NTM: variants seen among roughly 807,000 people sequenced by gnomAD.
NTM encodes IgLON family member 2.
Under a neutral mutation model 42.1 loss-of-function variants are expected in NTM, and 13 were observed. The ratio of observed to expected loss-of-function variants is 0.31; its 90% CI spans 0.20 to 0.49. The LOEUF is 0.49. Among genes scored for constraint, NTM ranks in the 20% least tolerant of loss-of-function variants. The pLI is 0.99. For missense variants in NTM, 373 were observed against 452.8 expected (o/e 0.82, Z 1.60); for synonymous variants, 187 against 179.2 (o/e 1.04, Z -0.35).
intron 1 of NTM, among the ~76,000 whole-genome samples, chr11:131,540,098 A>G (rs557587640): frequency 2.6e-5 from 4 of 151,816 alleles, no homozygotes; most frequent in East Asian, 3.9e-4. Flanking sequence ...TAGAAAATGC[A>G]TAGCAACTCA....
intron 1 of NTM, among the ~76,000 whole-genome samples, chr11:131,763,383 G>C (rs2084543554): frequency 6.6e-6 from 1 of 152,158 alleles, no homozygotes; most frequent in African/African-American, 2.4e-5. Context: ...CACCCCACGT[G>C]CACCCACTAG....
chr11:131,545,540 A>G (rs1268329409), intron 1 of NTM, among the ~76,000 whole-genome samples: 1 of 152,188 alleles, frequency 6.6e-6, no homozygotes, highest in Non-Finnish European at 1.5e-5. Flanking sequence ...TTCACTGAGC[A>G]TCAGTCTTCT....
At chr11:131,615,816 C>A (rs906167) in intron 1 of NTM, among the ~76,000 whole-genome samples, 116,223 of 152,160 alleles carry the variant, frequency 0.76, 44,474 homozygotes, top group African/African-American at 0.82. Flanking sequence ...TGTGCTGAGC[C>A]TGTGCATCCC....
At position 132,314,557 on chromosome 11, in the gene NTM, T is replaced by C. The variant is rs745714707; in HGVS notation, c.788T>C (p.Ile263Thr). ...TTGTCTTTTGTTTCTCTCAGACTGA[T>C]TGAAGGAAAGAAAGGGGTGAAAGTG... ...FQWYKDDKRL[I>T]EGKKGVKVEN... is the part of the protein sequence containing the mutation. Residue 263 changes from isoleucine to threonine, a missense_variant, in exon 7 of 9, where the codon ATT becomes ACT. By Grantham distance (89) the Ile-to-Thr change is moderately conservative. Around this residue, in one of 3 missense-constraint regions of NTM, gnomAD observed 312 missense variants for 353.5 expected, o/e 0.88. Transcript: ENST00000683400. 3 of 1,611,972 alleles carry C rather than the reference T, an allele frequency of 1.9e-6. No individual in the cohort carries two copies. Among genetic ancestry groups the C allele is most frequent in the Admixed American group, 1.7e-5 (1 of 59,738 alleles).
chr11:132,045,559 T>C (rs1017734492), intron 2 of NTM, among the ~76,000 whole-genome samples: 1 of 152,196 alleles, frequency 6.6e-6, no homozygotes, highest in Non-Finnish European at 1.5e-5. Flanking sequence ...ACAATATGAA[T>C]GGCAATTTAA....
intron 1 of NTM, among the ~76,000 whole-genome samples, chr11:131,850,647 C>T (rs1592269206): frequency 6.6e-6 from 1 of 152,156 alleles, no homozygotes; most frequent in South Asian, 2.1e-4. Context: ...GTAGCGGCTG[C>T]TGATCAGAAG....
At chr11:131,385,275 G>A (rs571420017) in intron 1 of NTM, 2 of 152,316 alleles carry the variant, frequency 1.3e-5, no homozygotes, top group East Asian at 3.9e-4. Flanking sequence ...GGAAAAAGTA[G>A]TATTCCCTTG....
intron 1 of NTM, among the ~76,000 whole-genome samples, chr11:131,529,068 A>G (rs920447527): frequency 2.0e-4 from 30 of 152,196 alleles, no homozygotes; most frequent in African/African-American, 6.8e-4. Context: ...GAAACACTGA[A>G]ATTAGTCACC....
chr11:131,528,249 A>AAT (rs1489000841), intron 1 of NTM, among the ~76,000 whole-genome samples: 2 of 152,164 alleles, frequency 1.3e-5, no homozygotes, highest in African/African-American at 4.8e-5. Context: ...TTCCCTCTTC[A>AAT]ATAGAATTCA....
intron 1 of NTM, among the ~76,000 whole-genome samples, chr11:131,586,397 A>G (rs1020546656): frequency 5.3e-5 from 8 of 152,120 alleles, no homozygotes; most frequent in Non-Finnish European, 7.4e-5. Flanking sequence ...AAGCCCATGG[A>G]TTTCCTCTTG....
At chr11:131,642,443 A>G (rs1289180416) in intron 1 of NTM, among the ~76,000 whole-genome samples, 1 of 152,248 alleles carries the variant, frequency 6.6e-6, no homozygotes, top group Non-Finnish European at 1.5e-5. Context: ...AAACTCAGGT[A>G]TCACTCTGGA....
chr11:132,329,225 C>A (rs1445410316), intron 7 of NTM, among the ~76,000 whole-genome samples: 3 of 152,116 alleles, frequency 2.0e-5, no homozygotes, highest in Non-Finnish European at 4.4e-5. Flanking sequence ...CACTTTGATG[C>A]AAAAAGCTTT....
At chr11:132,177,116 A>G (rs774710246) in intron 3 of NTM, among the ~76,000 whole-genome samples, 23 of 152,226 alleles carry the variant, frequency 1.5e-4, no homozygotes, top group South Asian at 2.1e-4. Context: ...TGCATGGATT[A>G]TAACAGTCTA....
intron 2 of NTM, among the ~76,000 whole-genome samples, chr11:131,935,721 A>G (rs2059139192): frequency 6.6e-6 from 1 of 152,180 alleles, no homozygotes; most frequent in South Asian, 2.1e-4. Flanking sequence ...ATAGAATGAT[A>G]TATTTTTAAT....
At chr11:131,699,745 A>G (rs2075866041) in intron 1 of NTM, among the ~76,000 whole-genome samples, 1 of 152,182 alleles carries the variant, frequency 6.6e-6, no homozygotes. Context: ...AAAGTCCCTT[A>G]TAAAACCATC....
chr11:132,058,219 G>C (rs541845547), intron 2 of NTM, among the ~76,000 whole-genome samples: 4 of 152,204 alleles, frequency 2.6e-5, no homozygotes, highest in African/African-American at 9.6e-5. Context: ...TTGTCTGCTT[G>C]TTGCCTGTCC....
intron 2 of NTM, among the ~76,000 whole-genome samples, chr11:131,983,477 G>A (rs191024990): frequency 4.7e-5 from 7 of 148,520 alleles, no homozygotes; most frequent in Non-Finnish European, 8.9e-5. Context: ...CCGGGTTCAA[G>A]CGATTCTCCT....
chr11:131,707,564 C>A (rs766669682), intron 1 of NTM, among the ~76,000 whole-genome samples: 18 of 151,952 alleles, frequency 1.2e-4, no homozygotes, highest in Non-Finnish European at 2.4e-4. Flanking sequence ...TTGAAAGGGA[C>A]CTCAATATTG....
chr11:132,291,255 G>C (rs753652436), intron 4 of NTM, among the ~76,000 whole-genome samples: 5 of 152,204 alleles, frequency 3.3e-5, no homozygotes, highest in Admixed American at 6.5e-5. Flanking sequence ...ATGGATTCAA[G>C]ATATACTTTA....
Sources: gnomAD v4.1 joint callset for allele counts (sites outside exome capture counted in the v4.1 genomes callset) on GRCh38, gnomAD v4.1.1 for gene constraint, gnomAD v4.1.1 regional missense constraint, MANE v1.5 for transcripts, NCBI Gene and HGNC (gene_info 2026-07-23, HGNC 2026-07-21) for gene names.